TPCN2: variants seen among roughly 807,000 people sequenced by gnomAD.
TPCN2 encodes the protein two pore channel protein 2.
Under a neutral mutation model 111.4 loss-of-function variants are expected in TPCN2, and 92 were observed. That is an observed-to-expected ratio of 0.83 (90% CI 0.70 to 0.98). The LOEUF (loss-of-function observed/expected upper bound fraction) is 0.98, where lower values mean the gene tolerates loss of function less well. Among genes scored for constraint, TPCN2 ranks in the 50% least tolerant of loss-of-function variants. TPCN2 has a pLI of 0.00. For synonymous variants in TPCN2, 405 were observed against 414.5 expected (o/e 0.98, Z 0.28); for missense variants, 995 against 980.1 (o/e 1.02, Z -0.20).
chr11:69,079,754 T>G, intron 16 of TPCN2, 80 bp from the exon 17 acceptor site: 69 of 1,349,104 alleles, frequency 5.1e-5, no homozygotes, highest in African/African-American at 7.2e-5. Context: ...GTGTTAGAGA[T>G]GAGCTTTATA....
At chr11:69,070,352 G>T in intron 8 of TPCN2, 78 bp from the exon 9 acceptor site, 1 of 1,209,800 alleles carries the variant, frequency 8.3e-7, no homozygotes, top group Non-Finnish European at 1.2e-6. Context: ...TATTGCAAAA[G>T]CAAATAGTGT....
At chr11:69,053,407 C>T (rs1861323151) in intron 1 of TPCN2, among the ~76,000 whole-genome samples, 1 of 152,088 alleles carries the variant, frequency 6.6e-6, no homozygotes, top group African/African-American at 2.4e-5. Flanking sequence ...AGCCTCATGG[C>T]AGTGCCTTTG....
Position 69,072,175 on chromosome 11 carries a change from C to A in TPCN2, c.1061+152C>A, listed in dbSNP as rs115399302. ...CTCATGGAAACCACCATGTCCCTGG[C>A]GCTCTGTGGTTCCCGGCGTCCTTGT... On this transcript the variant is annotated intron_variant, in intron 11 of 24. Transcript: ENST00000294309. 3,961 of 662,218 alleles carry A rather than the reference C, an allele frequency of 6.0e-3. 129 individuals are homozygous for A. The African/African-American group carries it at 0.063, about 11-fold the overall frequency. The allele number at this position is 662,218 out of a possible 1,614,324, so 41.0% of individuals were successfully genotyped here. A position where few individuals can be genotyped will look rare whatever the true frequency, so the allele number is the denominator to read the frequency against.
intron 14 of TPCN2, 48 bp from the exon 15 acceptor site, chr11:69,078,686 C>T (rs775621578): frequency 2.2e-5 from 35 of 1,613,508 alleles, no homozygotes; most frequent in Admixed American, 3.3e-5. Flanking sequence ...CTGCCTCGCC[C>T]AGCGCTGTGC....
At position 69,083,703 on chromosome 11, in the gene TPCN2, G is replaced by A. The variant is rs115743726; in HGVS notation, c.1690-242G>A. ...TGGCGATGCAAGCGTGTGCGAATGC[G>A]TGTGGGTAGATGTAGGTGTTGGGGT... is the stretch of plus-strand genomic sequence containing the variant. On this transcript the variant is annotated intron_variant, in intron 18 of 24. Transcript: ENST00000294309. Among the ~76,000 whole-genome samples, 1,446 of 152,254 alleles carry A rather than the reference G, an allele frequency of 9.5e-3. 23 individuals carry two copies. Among genetic ancestry groups the A allele is most frequent in the African/African-American group, 0.034 (1,395 of 41,548 alleles).
chr11:69,074,628 C>G (rs1855676639), intron 13 of TPCN2, among the ~76,000 whole-genome samples: 1 of 152,042 alleles, frequency 6.6e-6, no homozygotes, highest in Non-Finnish European at 1.5e-5. Context: ...GTGATCCGGC[C>G]CATGTTTAAC....
chr11:69,054,646 G>C, intron 2 of TPCN2, 75 bp from the exon 3 acceptor site: 1 of 1,378,056 alleles, frequency 7.3e-7, no homozygotes, highest in East Asian at 2.3e-5. Context: ...CCTGTCTCGT[G>C]TGTGGTGTGG....
chr11:69,087,021 G>T lies in TPCN2; in HGVS notation c.2086-91G>T, dbSNP rs1856312051. The T allele has an allele frequency of 1.2e-5, 13 of 1,081,766 alleles. 1 individual carries two copies. The South Asian group carries it at 1.5e-4, about 13-fold the overall frequency. 67.0% of individuals were successfully genotyped at this position (1,081,766 alleles called of 1,614,324 possible). A position where few individuals can be genotyped will look rare whatever the true frequency, so the allele number is the denominator to read the frequency against. On this transcript the variant is annotated intron_variant, in intron 23 of 24. Transcript: ENST00000294309. ...GAATGGCTCAGCCCCCTCAGCGGGT[G>T]CCCTGTGGCTGACCCTGGAGGGGCC...
intron 13 of TPCN2, among the ~76,000 whole-genome samples, chr11:69,075,802 T>G (rs1299728406): frequency 6.6e-6 from 1 of 152,312 alleles, no homozygotes; most frequent in East Asian, 1.9e-4. Flanking sequence ...GAAAGAAGTC[T>G]CCTCTTCATA....
intron 13 of TPCN2, among the ~76,000 whole-genome samples, chr11:69,075,017 T>C (rs1855692163): frequency 2.0e-5 from 3 of 152,180 alleles, no homozygotes; most frequent in Admixed American, 6.5e-5. Flanking sequence ...ATGGATTGCT[T>C]TGGCCGTGAC....
chr11:69,063,193 A>G (rs1193414396), intron 6 of TPCN2, among the ~76,000 whole-genome samples: 1 of 151,686 alleles, frequency 6.6e-6, no homozygotes, highest in African/African-American at 2.4e-5. Flanking sequence ...GCCTCCCAGC[A>G]GCCTTCGAGC....
intron 7 of TPCN2, among the ~76,000 whole-genome samples, chr11:69,066,061 C>G (rs2134564514): frequency 1.3e-5 from 2 of 152,220 alleles, no homozygotes; most frequent in South Asian, 2.1e-4. Flanking sequence ...TTAGGGAGTT[C>G]TGTCGGCTCT....
At chr11:69,071,332 G>A (rs1264154371) in intron 9 of TPCN2, 24 bp from the exon 10 acceptor site, 11 of 1,610,202 alleles carry the variant, frequency 6.8e-6, no homozygotes, top group Non-Finnish European at 9.3e-6. Flanking sequence ...TGGCGCCCCT[G>A]ACCGTGGCTG....
At chr11:69,085,571 C>T (rs1856236799) in intron 20 of TPCN2, 100 bp from the exon 21 acceptor site, 2 of 860,364 alleles carry the variant, frequency 2.3e-6, no homozygotes, top group Admixed American at 1.8e-5. Flanking sequence ...TTTGTACCTT[C>T]AGGCCAGGCT....
intron 1 of TPCN2, among the ~76,000 whole-genome samples, chr11:69,050,093 T>G (rs1861153497): frequency 6.6e-6 from 1 of 152,164 alleles, no homozygotes; most frequent in African/African-American, 2.4e-5. Context: ...CATGTGCCCA[T>G]CCATGGAGTA....
intron 17 of TPCN2, among the ~76,000 whole-genome samples, 184 bp downstream of exon 17, chr11:69,080,067 G>A (rs576029111): frequency 6.6e-6 from 1 of 152,208 alleles, no homozygotes; most frequent in Admixed American, 6.5e-5. Flanking sequence ...CCCTGCCGTC[G>A]CTCTGGGGGT....
chr11:69,064,768 G>A (rs754177636), intron 7 of TPCN2, among the ~76,000 whole-genome samples: 21 of 152,232 alleles, frequency 1.4e-4, no homozygotes, highest in Non-Finnish European at 2.4e-4. Flanking sequence ...CTCACCCAGG[G>A]CGGAAGCGGT....
rs112634076 is a variant in TPCN2, at chr11:69,055,475, C to T, written c.429+123C>T. ...TTTTCCCCAGACTTTGTACTTTGAC[C>T]CGGTGAGCAAGGCACACTTTCTTGG... On this transcript the variant is annotated intron_variant, in intron 4 of 24. Transcript: ENST00000294309. The T allele has an allele frequency of 1.3e-4, 140 of 1,066,526 alleles. No individual in the cohort carries two copies. The African/African-American group carries it at 1.9e-3, about 14-fold the overall frequency. 66.1% of individuals were successfully genotyped at this position (1,066,526 alleles called of 1,614,324 possible).
intron 7 of TPCN2, 131 bp downstream of exon 7, chr11:69,064,098 T>G: frequency 1.2e-6 from 1 of 867,492 alleles, no homozygotes; most frequent in Non-Finnish European, 1.9e-6. Context: ...CAGTGGCCCA[T>G]CTGGGGTCCA....
Sources: allele counts gnomAD v4.1 joint callset (sites outside exome capture counted in the v4.1 genomes callset), GRCh38; gene constraint gnomAD v4.1.1; transcripts MANE v1.5; gene names NCBI Gene and HGNC (gene_info 2026-07-23, HGNC 2026-07-21).